TOX3: variants seen among roughly 807,000 people sequenced by gnomAD.
TOX3 encodes TOX high mobility group box family member 3.
A neutral mutation model predicts 64.3 loss-of-function variants in TOX3; 22 were observed. That is an observed-to-expected ratio of 0.34 (90% confidence interval 0.24 to 0.49). The LOEUF (loss-of-function observed/expected upper bound fraction) is 0.49, where lower values mean the gene tolerates loss of function less well. TOX3 is among the 20% of genes least tolerant of loss of function. TOX3 has a pLI of 0.99. For synonymous variants in TOX3, 291 were observed against 273.6 expected (o/e 1.06, Z -0.63); for missense variants, 661 against 714.4 (o/e 0.93, Z 0.85).
At chr16:52,441,041 C>T (rs1326353802) in intron 6 of TOX3, among the ~76,000 whole-genome samples, 3 of 152,098 alleles carry the variant, frequency 2.0e-5, no homozygotes, top group South Asian at 2.1e-4. Flanking sequence ...TGATTACAGG[C>T]GTGAGCCACT....
chr16:52,519,098 G>T (rs868568297), intron 1 of TOX3, among the ~76,000 whole-genome samples: 1 of 152,184 alleles, frequency 6.6e-6, no homozygotes, highest in Admixed American at 6.5e-5. Flanking sequence ...AAAGGGAAAT[G>T]GTATCATGCG....
At chr16:52,451,751 T>C (rs941078477) in intron 3 of TOX3, among the ~76,000 whole-genome samples, 4 of 152,200 alleles carry the variant, frequency 2.6e-5, no homozygotes, top group African/African-American at 4.8e-5. Flanking sequence ...AGAAGATCTA[T>C]CAAAGAAAAC....
At chr16:52,463,740 T>C (rs1361755208) in intron 3 of TOX3, among the ~76,000 whole-genome samples, 194 bp downstream of exon 3, 1 of 152,172 alleles carries the variant, frequency 6.6e-6, no homozygotes, top group African/African-American at 2.4e-5. Flanking sequence ...ATCATCCTCT[T>C]TTTGGTTACT....
intron 3 of TOX3, among the ~76,000 whole-genome samples, chr16:52,453,799 T>C (rs1427531926): frequency 6.6e-6 from 1 of 152,242 alleles, no homozygotes; most frequent in Non-Finnish European, 1.5e-5. Context: ...CTTGGCTTTG[T>C]CAGCCCTTCC....
intron 1 of TOX3, among the ~76,000 whole-genome samples, chr16:52,483,934 G>A (rs1164294473): frequency 6.6e-6 from 1 of 152,118 alleles, no homozygotes; most frequent in Non-Finnish European, 1.5e-5. Context: ...AGAACCTGAA[G>A]TTAGCACTTA....
At chr16:52,469,434 A>G (rs1960971550) in intron 1 of TOX3, among the ~76,000 whole-genome samples, 1 of 152,206 alleles carries the variant, frequency 6.6e-6, no homozygotes, top group Admixed American at 6.5e-5. Context: ...CAGTCTGGTA[A>G]TATGGAAAGG....
intron 1 of TOX3, among the ~76,000 whole-genome samples, chr16:52,497,010 G>A (rs1048229455): frequency 1.3e-5 from 2 of 151,914 alleles, no homozygotes; most frequent in African/African-American, 4.8e-5. Flanking sequence ...AATTTTTGAA[G>A]GAAATTAGGT....
rs1437971993 is a variant in TOX3 at position 52,438,521 on chromosome 16, T to A, written c.*704A>T. The A allele has an allele frequency of 7.0e-6, 1 of 142,154 alleles. No individual in the cohort carries two copies. Among genetic ancestry groups the A allele is most frequent in the African/African-American group, 2.7e-5 (1 of 36,774 alleles). 8.8% of individuals were successfully genotyped at this position (142,154 alleles called of 1,614,324 possible). Reference sequence around the variant, plus strand: ...ATATAGTATTCACATTTCTTCTAATTGGAATGAATATAATGGGCTAACAGT... The same window carrying A: ...ATATAGTATTCACATTTCTTCTAATAGGAATGAATATAATGGGCTAACAGT... On this transcript the variant is annotated 3_prime_UTR_variant, in exon 7 of 7. Transcript: ENST00000219746.
At chr16:52,446,622 T>C (rs548098388) in intron 4 of TOX3, among the ~76,000 whole-genome samples, 2 of 152,282 alleles carry the variant, frequency 1.3e-5, no homozygotes, top group South Asian at 2.1e-4. Context: ...TATTCAAATA[T>C]TTTAAATGAG....
At chr16:52,492,179 C>T (rs58941997) in intron 1 of TOX3, among the ~76,000 whole-genome samples, 1 of 148,296 alleles carries the variant, frequency 6.7e-6, no homozygotes, top group African/African-American at 2.5e-5. Context: ...TTTAATAGTG[C>T]TGTGTTATTG....
intron 1 of TOX3, among the ~76,000 whole-genome samples, chr16:52,514,235 C>T (rs1380980165): frequency 1.3e-5 from 2 of 152,218 alleles, no homozygotes; most frequent in Admixed American, 1.3e-4. Context: ...CTAGGCTCCA[C>T]ATCCATGTTG....
At chr16:52,458,123 C>G (rs1960576518) in intron 3 of TOX3, among the ~76,000 whole-genome samples, 1 of 152,086 alleles carries the variant, frequency 6.6e-6, no homozygotes, top group Non-Finnish European at 1.5e-5. Context: ...AAGCCCCCTC[C>G]CCTCCATTTT....
intron 3 of TOX3, among the ~76,000 whole-genome samples, chr16:52,461,428 T>C (rs1960684905): frequency 6.6e-6 from 1 of 152,148 alleles, no homozygotes; most frequent in Non-Finnish European, 1.5e-5. Context: ...CCCCCTTTTT[T>C]GTTCCTGCCT....
intron 1 of TOX3, among the ~76,000 whole-genome samples, chr16:52,516,049 A>G (rs1962445896): frequency 6.6e-6 from 1 of 152,126 alleles, no homozygotes. Flanking sequence ...AAAAATCCTC[A>G]AAGAATCAAT....
At chr16:52,528,964 T>G (rs1048806396) in intron 1 of TOX3, among the ~76,000 whole-genome samples, 2 of 152,182 alleles carry the variant, frequency 1.3e-5, no homozygotes, top group Non-Finnish European at 2.9e-5. Flanking sequence ...TTGCAACCAC[T>G]AGGGAGCTAA....
At chr16:52,510,469 GT>G (rs1962274532) in intron 1 of TOX3, among the ~76,000 whole-genome samples, 1 of 152,086 alleles carries the variant, frequency 6.6e-6, no homozygotes, top group African/African-American at 2.4e-5. Context: ...AAGAAAATTT[GT>G]CTTGGCCAAC....
Position 52,487,821 on chromosome 16 carries a change from T to C in TOX3, c.88-19247A>G, listed in dbSNP as rs1961571998. 1.1e-4 allele frequency among the ~76,000 whole-genome samples: 16 copies of C among 152,240 alleles called. 1 individual carries two copies. In the South Asian group the frequency reaches 3.3e-3, roughly 31 times the overall value. ...ATAATTTGGTTTTGATAAATGTTGA[T>C]GTTGGGACCCTTTGAAACTGACAGT... On this transcript the variant is annotated intron_variant, in intron 1 of 6. Coordinates refer to ENST00000219746, the MANE Select transcript of TOX3 (RefSeq NM_001080430.4).
intron 1 of TOX3, among the ~76,000 whole-genome samples, chr16:52,504,466 C>CAAAAA (rs71141197): frequency 3.2e-5 from 3 of 94,032 alleles, no homozygotes; most frequent in Non-Finnish European, 4.1e-5. Context: ...GACTCCGTCT[C>CAAAAA]AAAAAAAAAA....
chr16:52,442,298 C>T (rs1960020881), intron 6 of TOX3, among the ~76,000 whole-genome samples: 1 of 152,158 alleles, frequency 6.6e-6, no homozygotes, highest in Non-Finnish European at 1.5e-5. Flanking sequence ...GTTAAATGTG[C>T]ATATGATGCA....
Sources: allele counts gnomAD v4.1 joint callset (sites outside exome capture counted in the v4.1 genomes callset), GRCh38; gene constraint gnomAD v4.1.1; transcripts MANE v1.5; gene names NCBI Gene and HGNC (gene_info 2026-07-23, HGNC 2026-07-21).